USP40: variants seen among roughly 807,000 people sequenced by gnomAD.
USP40 encodes ubiquitin specific peptidase 40.
In USP40, 143 loss-of-function variants were observed where a neutral mutation model predicts 166.2. The observed-to-expected ratio is 0.86, with a 90% CI of 0.75 to 0.99. USP40 has a LOEUF of 0.99. USP40 is among the 50% of genes least tolerant of loss of function. USP40 has a pLI of 0.00. For synonymous variants in USP40, 498 were observed against 524.0 expected (o/e 0.95, Z 0.68); for missense variants, 1,444 against 1,479.7 (o/e 0.98, Z 0.40).
chr2:233,527,192 G>A (rs1420767174), intron 13 of USP40, among the ~76,000 whole-genome samples: 1 of 152,114 alleles, frequency 6.6e-6, no homozygotes, highest in Non-Finnish European at 1.5e-5. Context: ...AGGCCTGATT[G>A]TCTACCTGAA....
intron 4 of USP40, 21 bp downstream of exon 4, chr2:233,559,790 T>C: frequency 6.5e-7 from 1 of 1,550,166 alleles, no homozygotes; most frequent in Non-Finnish European, 8.8e-7. Flanking sequence ...TAACTCTTCC[T>C]TAAAGAGCTG....
In USP40 at chr2:233,512,637, A is replaced by AATATTATTTTTCTTACT; in HGVS notation, c.2384-16_2384-15insAGTAAGAAAAATAATAT. On this transcript the variant is annotated splice_polypyrimidine_tract_variant and intron_variant, in intron 18 of 31. Coordinates refer to ENST00000678225, the MANE Select transcript of USP40 (RefSeq NM_001365479.2). ...GCTGTTGTCAGCTATATATAAAAGGAATATTATTTTTCTTAGAGAGCTAGG... is the reference window on the plus strand; with the variant it reads ...GCTGTTGTCAGCTATATATAAAAGGAATATTATTTTTCTTACTATATTATTTTTCTTAGAGAGCTAGG... The AATATTATTTTTCTTACT allele has an allele frequency of 7.2e-7, 1 of 1,384,452 alleles. No homozygotes were observed. The highest frequency in any genetic ancestry group is 9.8e-7 in the Non-Finnish European group (1 of 1,024,836). 85.8% of individuals were successfully genotyped at this position (1,384,452 alleles called of 1,614,324 possible).
chr2:233,539,866 A>C (rs1162382585), intron 10 of USP40, among the ~76,000 whole-genome samples: 1 of 152,198 alleles, frequency 6.6e-6, no homozygotes, highest in African/African-American at 2.4e-5. Flanking sequence ...CTAAGGCAAA[A>C]GCTGGTTTCT....
chr2:233,488,837 T>G (rs903242115), intron 27 of USP40, among the ~76,000 whole-genome samples: 1 of 151,772 alleles, frequency 6.6e-6, no homozygotes, highest in Admixed American at 6.6e-5. Context: ...GCCCAGGAGG[T>G]TGAGGCTGTA....
At chr2:233,517,780 T>TGG (rs34345747) in intron 18 of USP40, among the ~76,000 whole-genome samples, 1 of 124,156 alleles carries the variant, frequency 8.1e-6, no homozygotes, top group Non-Finnish European at 1.7e-5. Flanking sequence ...AAAGAAACTG[T>TGG]GGTGTGTGTG....
In USP40 at chr2:233,493,357, A is replaced by C. The variant is rs2065470096; in HGVS notation, c.2917+68T>G. 2.5e-5 allele frequency: 40 copies of C among 1,598,990 alleles called. No individual in the cohort carries two copies. Among genetic ancestry groups the C allele is most frequent in the Non-Finnish European group, 3.4e-5 (40 of 1,167,544 alleles). ...AAAATAAATATATCAATTGACTCTC[A>C]GAGCACAGGCAGTCAATTTACTTCT... On this transcript the variant is annotated intron_variant, in intron 25 of 31. Coordinates refer to ENST00000678225, the MANE Select transcript of USP40 (RefSeq NM_001365479.2). The surrounding 1 kb of genome is among the most constrained non-coding windows in gnomAD (Gnocchi z 4.7).
intron 11 of USP40, among the ~76,000 whole-genome samples, chr2:233,531,047 A>T (rs184557535): frequency 6.6e-6 from 1 of 152,310 alleles, no homozygotes; most frequent in Admixed American, 6.5e-5. Context: ...AGTGATTTGT[A>T]TAACAAAGAA....
At chr2:233,526,191 A>C (rs2125239484) in intron 13 of USP40, among the ~76,000 whole-genome samples, 1 of 152,308 alleles carries the variant, frequency 6.6e-6, no homozygotes. Context: ...CTTATTTACA[A>C]GTGATTAGTT....
At chr2:233,529,108 C>A (rs2068286388) in intron 12 of USP40, among the ~76,000 whole-genome samples, 1 of 152,144 alleles carries the variant, frequency 6.6e-6, no homozygotes. Flanking sequence ...CTCTTTGGAC[C>A]CAAGGAAATA....
chr2:233,508,855 T>C (rs1373842744), intron 21 of USP40, among the ~76,000 whole-genome samples: 1 of 152,230 alleles, frequency 6.6e-6, no homozygotes, highest in Non-Finnish European at 1.5e-5. Flanking sequence ...CTCACAGATT[T>C]ACAGATTTTA....
chr2:233,479,685 C>T (rs946858913), intron 31 of USP40, among the ~76,000 whole-genome samples: 3 of 151,156 alleles, frequency 2.0e-5, no homozygotes, highest in Non-Finnish European at 2.9e-5. Flanking sequence ...GGAAAACCCC[C>T]GAAGCAGCCA....
In USP40 at chr2:233,477,390, G is replaced by C. The variant is rs563012944; in HGVS notation, c.*2C>G. On this transcript the variant is annotated 3_prime_UTR_variant, in exon 32 of 32. Transcript: ENST00000678225. The stretch of plus-strand genomic sequence containing the variant: ...CGGGAGTAGAGCCGTGCAGCGGCGC[G>C]GTTATCTGAAGCTCCCCACGTGGAT... 12 of 1,613,156 alleles carry C rather than the reference G, an allele frequency of 7.4e-6. No homozygotes were observed. In the African/African-American group the frequency reaches 1.5e-4, roughly 20 times the overall value.
At position 233,541,455 on chromosome 2, in the gene USP40, T is replaced by C. The variant is rs1005778431; in HGVS notation, c.1063-686A>G. ...AGGACACAGGAAGAAGACGGCCATC[T>C]GCAAGCCAAGGAGAGAGGCCTCAGA... is the stretch of plus-strand genomic sequence containing the variant. On this transcript the variant is annotated intron_variant, in intron 9 of 31. Coordinates refer to ENST00000678225, the MANE Select transcript of USP40 (RefSeq NM_001365479.2). 6.6e-5 allele frequency among the ~76,000 whole-genome samples: 10 copies of C among 152,344 alleles called. No homozygotes were observed. In the South Asian group the frequency reaches 1.5e-3, roughly 22 times the overall value.
intron 5 of USP40, among the ~76,000 whole-genome samples, chr2:233,555,461 T>C (rs1479829489): frequency 6.6e-6 from 1 of 152,166 alleles, no homozygotes; most frequent in East Asian, 1.9e-4. Flanking sequence ...AAGTAACATT[T>C]ATACAGTATA....
chr2:233,509,512 T>C (rs1200342599), intron 21 of USP40, among the ~76,000 whole-genome samples: 3 of 152,120 alleles, frequency 2.0e-5, no homozygotes, highest in Non-Finnish European at 2.9e-5. Flanking sequence ...AAAACTATTA[T>C]TGATAGAAAG....
intron 8 of USP40, chr2:233,545,831 T>C (rs2069865566): frequency 5.5e-6 from 1 of 182,886 alleles, no homozygotes; most frequent in Non-Finnish European, 1.2e-5. Flanking sequence ...TTGGGACCCT[T>C]TGTCTGTGGG....
chr2:233,497,267 G>T (rs1046832878), intron 23 of USP40, among the ~76,000 whole-genome samples: 1 of 152,218 alleles, frequency 6.6e-6, no homozygotes, highest in Non-Finnish European at 1.5e-5. Flanking sequence ...AAAGTACCAG[G>T]AGGTCACACC....
intron 2 of USP40, 143 bp from the exon 3 acceptor site, chr2:233,562,946 C>A: frequency 2.1e-6 from 1 of 480,606 alleles, no homozygotes. Context: ...ACTCTATACA[C>A]TTTACTTTCT....
chr2:233,559,051 C>G lies in USP40; in HGVS notation c.381+760G>C, dbSNP rs143974222. On this transcript the variant is annotated intron_variant, in intron 4 of 31. Transcript: ENST00000678225. ...TAACTTCTGTGACAGTTGCCTATAC[C>G]TGTCTTTGCAGGATTACATCCATCT... 6.4e-3 allele frequency among the ~76,000 whole-genome samples: 977 copies of G among 152,276 alleles called. 4 individuals carry two copies. The highest frequency in any genetic ancestry group is 0.022 in the African/African-American group (924 of 41,544).
Sources: gnomAD v4.1 joint callset for allele counts (sites outside exome capture counted in the v4.1 genomes callset) on GRCh38, gnomAD v4.1.1 for gene constraint, Gnocchi (gnomAD v3.1) non-coding constraint, MANE v1.5 for transcripts, NCBI Gene and HGNC (gene_info 2026-07-23, HGNC 2026-07-21) for gene names.